BRCA1: variants seen among roughly 807,000 people sequenced by gnomAD.
BRCA1 encodes the protein breast cancer type 1 susceptibility protein.
Under a neutral mutation model 173.7 loss-of-function variants are expected in BRCA1, and 140 were observed. That is an observed-to-expected ratio of 0.81 (90% confidence interval 0.70 to 0.93). BRCA1 has a LOEUF of 0.93. Among genes scored for constraint, BRCA1 ranks in the 40% least tolerant of loss-of-function variants. The probability of loss-of-function intolerance (pLI) is 0.00; values close to 1 mark genes in which losing one functional copy is unlikely to be tolerated. For missense variants in BRCA1, 1,983 were observed against 2,172.5 expected (o/e 0.91, Z 1.73); for synonymous variants, 662 against 756.0 (o/e 0.88, Z 2.04).
intron 3 of BRCA1, chr17:43,110,587 CAAAAAA>C: frequency 2.5e-4 from 69 of 270,694 alleles, no homozygotes; most frequent in South Asian, 4.2e-4. Context: ...GACCCTGTCT[CAAAAAA>C]AAAAAAAAAA....
chr17:43,102,549 G>A (rs1301289256), intron 6 of BRCA1, among the ~76,000 whole-genome samples: 3 of 150,442 alleles, frequency 2.0e-5, no homozygotes, highest in Non-Finnish European at 4.4e-5. Flanking sequence ...TAGAGACCGG[G>A]TTTCACCATG....
chr17:43,128,166 A>G (rs1414970688), upstream of BRCA1, among the ~76,000 whole-genome samples: 1 of 152,024 alleles, frequency 6.6e-6, no homozygotes, highest in East Asian at 1.9e-4. Context: ...TTGGGTCCGC[A>G]TAGCATTTAT....
intron 3 of BRCA1, chr17:43,110,596 A>G: frequency 2.4e-6 from 1 of 408,446 alleles, no homozygotes; most frequent in Non-Finnish European, 4.8e-6. Context: ...TCAAAAAAAA[A>G]AAAAAAAAGT....
intron 17 of BRCA1, 67 bp from the exon 18 acceptor site, chr17:43,063,440 G>C (rs561146481): frequency 7.6e-7 from 1 of 1,321,990 alleles, no homozygotes; most frequent in Non-Finnish European, 1.1e-6. Context: ...CGGAGATAGA[G>C]AGGTCAGCGA....
intron 19 of BRCA1, 119 bp downstream of exon 19, chr17:43,056,933 C>A (rs1340227554): frequency 2.2e-6 from 2 of 902,606 alleles, no homozygotes; most frequent in Admixed American, 1.7e-5. Flanking sequence ...GTGAAAGTAT[C>A]TAGCACTGTG....
chr17:43,107,676 T>C (rs1034690152), intron 3 of BRCA1, among the ~76,000 whole-genome samples: 3 of 152,092 alleles, frequency 2.0e-5, no homozygotes, highest in Non-Finnish European at 4.4e-5. Flanking sequence ...CCAAAGATGA[T>C]TAAATGGGAA....
intron 2 of BRCA1, among the ~76,000 whole-genome samples, chr17:43,117,358 C>T (rs900173004): frequency 3.3e-5 from 5 of 152,156 alleles, no homozygotes; most frequent in African/African-American, 1.2e-4. Flanking sequence ...AGAAGGATCA[C>T]TTGAATCCTG....
At position 43,049,663 on chromosome 17, in the gene BRCA1, A is replaced by G. The variant is rs1008149175; in HGVS notation, c.5333-469T>C. 5.9e-5 allele frequency among the ~76,000 whole-genome samples: 9 copies of G among 152,208 alleles called. No homozygotes were observed. The highest frequency in any genetic ancestry group is 2.2e-4 in the African/African-American group (9 of 41,450). On this transcript the variant is annotated intron_variant, in intron 20 of 22. Transcript: ENST00000357654. ...CAAGAGATGGGAAGATAATTCATCC[A>G]GTCAAAAAAATACATGTTATCCTGG... is the stretch of plus-strand genomic sequence containing the variant.
chr17:43,109,728 A>T (rs1213570818), intron 3 of BRCA1, among the ~76,000 whole-genome samples: 3 of 152,142 alleles, frequency 2.0e-5, no homozygotes, highest in Non-Finnish European at 4.4e-5. Flanking sequence ...CAAATAGTAC[A>T]ATTGAACAAT....
At chr17:43,102,857 G>A (rs2054553545) in intron 6 of BRCA1, among the ~76,000 whole-genome samples, 1 of 151,770 alleles carries the variant, frequency 6.6e-6, no homozygotes, top group Non-Finnish European at 1.5e-5. Context: ...GACTTGCTAT[G>A]TTGCCCAAAC....
At chr17:43,053,498 T>C (rs1314966146) in intron 19 of BRCA1, among the ~76,000 whole-genome samples, 1 of 151,310 alleles carries the variant, frequency 6.6e-6, no homozygotes, top group East Asian at 2.0e-4. Flanking sequence ...CCGTCTCTAC[T>C]AAAAATACAA....
At chr17:43,144,959 C>A in intron 1 of BRCA1, 1 of 610,664 alleles carries the variant, frequency 1.6e-6, no homozygotes, top group East Asian at 4.0e-5. Flanking sequence ...TGCCAGGATG[C>A]CCAAGAAAAA....
At chr17:43,163,591 CTTT>C (rs1257698071) in intron 1 of BRCA1, 1 of 152,300 alleles carries the variant, frequency 6.6e-6, no homozygotes, top group African/African-American at 2.4e-5. Context: ...TTTACAATGT[CTTT>C]CTTTTTTTCC....
intron 1 of BRCA1, chr17:43,124,911 A>C: frequency 3.2e-6 from 1 of 307,694 alleles, no homozygotes; most frequent in Non-Finnish European, 6.5e-6. Context: ...ACGCCCGGCT[A>C]ATTTTTGTAT....
intron 6 of BRCA1, among the ~76,000 whole-genome samples, chr17:43,103,867 G>C (rs565578525): frequency 6.6e-5 from 10 of 152,118 alleles, no homozygotes; most frequent in Admixed American, 1.3e-4. Flanking sequence ...AGCAATTTGG[G>C]GAGCCGAGGT....
chr17:43,097,144 TA>T, intron 8 of BRCA1, 99 bp downstream of exon 8: 1 of 1,248,764 alleles, frequency 8.0e-7, no homozygotes, highest in Non-Finnish European at 1.1e-6. Context: ...GAACCTAAAA[TA>T]AAAGTTAAAA....
chr17:43,162,802 G>A (rs948463578), intron 1 of BRCA1: 8 of 152,092 alleles, frequency 5.3e-5, no homozygotes, highest in Admixed American at 2.0e-4. Flanking sequence ...AGAGCTTGTC[G>A]TCTTCTTCAG....
chr17:43,080,912 A>G (rs2052976977), intron 12 of BRCA1, among the ~76,000 whole-genome samples: 2 of 152,110 alleles, frequency 1.3e-5, no homozygotes, highest in African/African-American at 4.8e-5. Context: ...TAAAGAAAAG[A>G]AAAAATTATT....
At chr17:43,075,396 T>G (rs764575760) in intron 13 of BRCA1, among the ~76,000 whole-genome samples, 2 of 152,186 alleles carry the variant, frequency 1.3e-5, no homozygotes, top group Non-Finnish European at 2.9e-5. Context: ...GTTCCTCTGC[T>G]CTTCCAAGTG....
Sources: gnomAD v4.1 joint callset for allele counts (sites outside exome capture counted in the v4.1 genomes callset) on GRCh38, gnomAD v4.1.1 for gene constraint, MANE v1.5 for transcripts, NCBI Gene and HGNC (gene_info 2026-07-23, HGNC 2026-07-21) for gene names.